The following PCNX3 variants were observed in gnomAD, a reference collection of about 807,000 sequenced individuals.
PCNX3 encodes the protein pecanex-like protein 3.
PCNX3 carries 58 observed loss-of-function variants against 207.2 expected under a neutral mutation model. The ratio of observed to expected loss-of-function variants is 0.28; its 90% CI spans 0.23 to 0.35. The LOEUF (loss-of-function observed/expected upper bound fraction) is 0.35. Ranked by LOEUF, PCNX3 falls within the 10% of genes least tolerant of loss-of-function variation. The pLI, the probability that PCNX3 is intolerant of heterozygous loss-of-function variation, is 1.00. For synonymous variants in PCNX3, 1,337 were observed against 1,183.5 expected (o/e 1.13, Z -2.66); for missense variants, 2,410 against 2,774.4 (o/e 0.87, Z 2.95).
chr11:65,635,306 A>G lies in PCNX3; in HGVS notation c.5042A>G (p.His1681Arg). 6.3e-7 allele frequency: 1 copy of G among 1,599,458 alleles called. No individual in the cohort carries two copies. Reference sequence around the variant, plus strand: ...AACGAGGAGCGGCTGGTCATCTCACATGAGGGTGACCCAGCATGGCGCAGC... The same window carrying G: ...AACGAGGAGCGGCTGGTCATCTCACGTGAGGGTGACCCAGCATGGCGCAGC... ...AANEERLVIS[H>R]EGDPAWRSAI... Residue 1681 changes from histidine to arginine, a missense_variant, in exon 31 of 35, where the codon CAT (histidine) becomes CGT (arginine). Around this residue, in one of 8 missense-constraint regions of PCNX3, gnomAD observed 420 missense variants for 705.3 expected, o/e 0.60. Transcript: ENST00000355703. This position sits in a 1 kb window ranked among gnomAD's most constrained non-coding sequence, Gnocchi z 9.9.
intron 2 of PCNX3, 24 bp from the exon 3 acceptor site, chr11:65,617,226 G>A (rs372552322): frequency 1.8e-4 from 288 of 1,578,408 alleles, no homozygotes; most frequent in Non-Finnish European, 2.4e-4. Context: ...TTAGCTCAAA[G>A]CTGCTGCTCT....
At chr11:65,633,086 G>T (rs989648629) in intron 27 of PCNX3, among the ~76,000 whole-genome samples, 5 of 152,146 alleles carry the variant, frequency 3.3e-5, no homozygotes, top group African/African-American at 1.2e-4. Flanking sequence ...CTCTGGTGGT[G>T]CCTGGATTGT....
At chr11:65,629,458 C>A in intron 25 of PCNX3, 43 bp downstream of exon 25, 1 of 1,611,158 alleles carries the variant, frequency 6.2e-7, no homozygotes. Context: ...CAGGGCCTCC[C>A]TGGGGAGGGA....
rs888516039 is a variant in PCNX3 at position 65,624,825 on chromosome 11, C to A, written c.2828-100C>A. 19 of 1,273,840 alleles carry A rather than the reference C, an allele frequency of 1.5e-5. No individual in the cohort carries two copies. In the African/African-American group the frequency reaches 2.2e-4, roughly 15 times the overall value. 78.9% of individuals were successfully genotyped at this position (1,273,840 alleles called of 1,614,324 possible). A position where few individuals can be genotyped will look rare whatever the true frequency, so the allele number is the denominator to read the frequency against. On this transcript the variant is annotated intron_variant, in intron 15 of 34. Coordinates refer to ENST00000355703, the MANE Select transcript of PCNX3 (RefSeq NM_032223.4). Reference sequence around the variant, plus strand: ...AGAACAATGGGCTGGGGGTGCCTTTCCAGGGAGGCCAGCCTCTGGGAGTTG... The same window carrying A: ...AGAACAATGGGCTGGGGGTGCCTTTACAGGGAGGCCAGCCTCTGGGAGTTG...
chr11:65,625,755 C>G lies in PCNX3; in HGVS notation c.3228+11C>G. 1 of 1,606,344 alleles carries G rather than the reference C, an allele frequency of 6.2e-7. No homozygotes were observed. The highest frequency in any genetic ancestry group is 8.5e-7 in the Non-Finnish European group (1 of 1,178,430). ...TTTATTGCCCTGAAGGTTTGTGTGG[C>G]ATGGGCCGCTGCTGCCTCTCGCTGT... On this transcript the variant is annotated intron_variant, in intron 19 of 34. Transcript: ENST00000355703. The surrounding 1 kb of genome is among the most constrained non-coding windows in gnomAD (Gnocchi z 5.6).
Position 65,634,315 on chromosome 11 carries a change from C to T in PCNX3, c.4660C>T (p.His1554Tyr). ...GLSLPSFCAV[H>Y]LEWIQYCASR... ...CTCGCTGCCCTCCTTTTGTGCTGTGCACCTCGAGTGGATCCAGTACTGCGC... is the reference window on the plus strand; with the variant it reads ...CTCGCTGCCCTCCTTTTGTGCTGTGTACCTCGAGTGGATCCAGTACTGCGC... The change falls in exon 28 of 35, where the codon CAC becomes TAC. Residue 1554 changes from histidine (H) to tyrosine (Y), a missense_variant. His to Tyr is a moderately conservative substitution (Grantham distance 83, BLOSUM62 2). This residue lies in a region of PCNX3 where 420 missense variants were observed against 705.3 expected (regional missense o/e 0.60). Transcript: ENST00000355703. 1.2e-6 allele frequency: 2 copies of T among 1,605,680 alleles called. No individual in the cohort carries two copies. The highest frequency in any genetic ancestry group is 2.2e-5 in the East Asian group (1 of 44,570).
Position 65,634,095 on chromosome 11 carries a change from C to A in PCNX3, c.4471-31C>A, listed in dbSNP as rs775441561. 3 of 1,588,508 alleles carry A rather than the reference C, an allele frequency of 1.9e-6. No individual in the cohort carries two copies. In the South Asian group the frequency reaches 3.4e-5, roughly 18 times the overall value. On this transcript the variant is annotated intron_variant, in intron 27 of 34. Coordinates refer to ENST00000355703, the MANE Select transcript of PCNX3 (RefSeq NM_032223.4). ...CTCCTCCAGTGGCCAGGGCCGGGAC[C>A]CCGGCCTGACGCCTGCCCCTCCTCT...
At position 65,629,866 on chromosome 11, in the gene PCNX3, C is replaced by G. The variant is rs985748321; in HGVS notation, c.4216+131C>G. 3.1e-6 allele frequency: 3 copies of G among 961,562 alleles called. No homozygotes were observed. In the East Asian group the frequency reaches 7.9e-5, roughly 25 times the overall value. The allele number at this position is 961,562 out of a possible 1,614,324, so 59.6% of individuals were successfully genotyped here. ...CTGGCGGGTGGCCTTGGGCAAGGCA[C>G]TCCTCCTCCCTGGGCCTGCGTTTCC... On this transcript the variant is annotated intron_variant, in intron 26 of 34. Coordinates refer to ENST00000355703, the MANE Select transcript of PCNX3 (RefSeq NM_032223.4).
At chr11:65,634,471 G>A (rs1855743192) in intron 28 of PCNX3, 67 bp from the exon 29 acceptor site, 1 of 1,521,282 alleles carries the variant, frequency 6.6e-7, no homozygotes, top group Non-Finnish European at 8.9e-7. Context: ...CTGAGCCCCA[G>A]CCCCCACTCC....
At chr11:65,621,002 G>C (rs769515545) in intron 10 of PCNX3, 36 bp downstream of exon 10, 15 of 1,496,826 alleles carry the variant, frequency 1.0e-5, no homozygotes, top group Non-Finnish European at 1.2e-5. Flanking sequence ...TGCCAGTGGG[G>C]CGTGACGGGG....
Position 65,617,511 on chromosome 11 carries a change from T to G in PCNX3, c.481+2T>G, listed in dbSNP as rs1387385627. 6.2e-7 allele frequency: 1 copy of G among 1,613,660 alleles called. No homozygotes were observed. ...TGGAGGACTCTGGGCCCCTTAGAGG[T>G]AGGTGGCTGCTCTTCAGGGTTGGAG... On this transcript the variant is annotated splice_donor_variant, in intron 4 of 34. Transcript: ENST00000355703. LOFTEE classifies it high-confidence loss of function.
In PCNX3 at chr11:65,618,249, G is replaced by A. The variant is rs764687636; in HGVS notation, c.887G>A (p.Gly296Asp). 24 of 1,608,724 alleles carry A rather than the reference G, an allele frequency of 1.5e-5. No individual in the cohort carries two copies. Among genetic ancestry groups the A allele is most frequent in the Non-Finnish European group, 2.0e-5 (23 of 1,177,560 alleles). Residue 296 changes from glycine (G) to aspartate (D), a missense_variant, in exon 6 of 35, where the codon GGC (glycine) becomes GAC (aspartate). Transcript: ENST00000355703. ...GSGEPTPQKA[G>D]SSDSCFSGTD... The stretch of plus-strand genomic sequence containing the variant: ...GGGGAGCCCACGCCCCAGAAAGCCG[G>A]CTCCTCAGACTCCTGCTTCAGCGGC...
chr11:65,632,941 C>T (rs1358174439), intron 27 of PCNX3, among the ~76,000 whole-genome samples: 3 of 151,820 alleles, frequency 2.0e-5, no homozygotes, highest in Admixed American at 6.6e-5. Flanking sequence ...GATGGGGTTT[C>T]GCCATGTTGT....
chr11:65,624,075 C>G (rs988205273), intron 13 of PCNX3, 114 bp downstream of exon 13: 2 of 1,570,572 alleles, frequency 1.3e-6, no homozygotes, highest in Non-Finnish European at 1.7e-6. Flanking sequence ...CCCCATCACC[C>G]CCACCTGGCC....
chr11:65,621,635 C>T (rs1057050628), intron 10 of PCNX3, among the ~76,000 whole-genome samples: 8 of 152,198 alleles, frequency 5.3e-5, no homozygotes, highest in African/African-American at 1.9e-4. Context: ...GGCCGGCGGC[C>T]GCCTCCAGAG....
intron 2 of PCNX3, 40 bp from the exon 3 acceptor site, chr11:65,617,210 G>C: frequency 6.5e-7 from 1 of 1,542,418 alleles, no homozygotes. Context: ...ATACACAGAG[G>C]AGAGGTTAGC....
intron 2 of PCNX3, 64 bp downstream of exon 2, chr11:65,617,075 G>T: frequency 6.7e-7 from 1 of 1,489,782 alleles, no homozygotes; most frequent in South Asian, 1.2e-5. Context: ...GAACCTTGCA[G>T]GGTGGAGTAG....
At position 65,627,028 on chromosome 11, in the gene PCNX3, C is replaced by A; in HGVS notation, c.3504C>A (p.His1168Gln). ...TGGACGCCCACACAGTCGTCAGCCA[C>A]CCGGACAAGTACTGCTTCTAGTGAG... ...LTVDAHTVVS[H>Q]PDKYCFYCRA... Residue 1168 changes from histidine (H) to glutamine (Q), a missense_variant, in exon 21 of 35, where the codon CAC becomes CAA. Physicochemically the swap from His to Gln is conservative, Grantham distance 24 (BLOSUM62 0). This residue lies in a region of PCNX3 where 333 missense variants were observed against 386.8 expected (regional missense o/e 0.86). Coordinates refer to ENST00000355703, the MANE Select transcript of PCNX3 (RefSeq NM_032223.4). 1 of 1,529,002 alleles carries A rather than the reference C, an allele frequency of 6.5e-7. No homozygotes were observed. Among genetic ancestry groups the A allele is most frequent in the Non-Finnish European group, 8.8e-7 (1 of 1,135,856 alleles). 94.7% of individuals were successfully genotyped at this position (1,529,002 alleles called of 1,614,324 possible).
chr11:65,636,869 G>A lies in PCNX3; in HGVS notation c.5996G>A (p.Ser1999Asn). 5 of 1,551,782 alleles carry A rather than the reference G, an allele frequency of 3.2e-6. No homozygotes were observed. Among genetic ancestry groups the A allele is most frequent in the Non-Finnish European group, 4.4e-6 (5 of 1,147,392 alleles). ...RASQDIPCLD[S>N]SAPESGTPMG... is the part of the protein sequence containing the mutation. ...TCCCAGGACATTCCTTGCTTGGACA[G>A]CAGTGCCCCTGAGAGTGGCACACCT... is the stretch of plus-strand genomic sequence containing the variant. Residue 1999 changes from serine (S) to asparagine (N), a missense_variant, in exon 35 of 35, where the codon AGC (serine) becomes AAC (asparagine). This residue lies in a region of PCNX3 where 278 missense variants were observed against 245.1 expected (regional missense o/e 1.13). Transcript: ENST00000355703.
Sources: allele counts gnomAD v4.1 joint callset (sites outside exome capture counted in the v4.1 genomes callset), GRCh38; gene constraint gnomAD v4.1.1; regional missense constraint gnomAD v4.1.1; non-coding constraint Gnocchi (gnomAD v3.1); transcripts MANE v1.5; gene names NCBI Gene and HGNC (gene_info 2026-07-23, HGNC 2026-07-21).